TNNT1: variants seen among roughly 807,000 people sequenced by gnomAD.
TNNT1 encodes troponin T1, slow skeletal type.
A neutral mutation model predicts 50.6 loss-of-function variants in TNNT1; 53 were observed. The observed-to-expected ratio is 1.05, with a 90% CI of 0.84 to 1.32. The LOEUF (loss-of-function observed/expected upper bound fraction) is 1.32, where lower values mean the gene tolerates loss of function less well. Among genes scored for constraint, TNNT1 ranks in the 40% most tolerant of loss-of-function variants. The pLI is 0.00. For missense variants in TNNT1, 348 were observed against 381.7 expected (o/e 0.91, Z 0.74); for synonymous variants, 142 against 138.0 (o/e 1.03, Z -0.20).
intron 4 of TNNT1, 27 bp from the exon 5 acceptor site, chr19:55,146,493 G>A: frequency 7.4e-7 from 1 of 1,347,380 alleles, no homozygotes; most frequent in Non-Finnish European, 9.6e-7. Context: ...GGAGCAGCGA[G>A]GGTTTGGGGA....
In TNNT1 at chr19:55,136,971, C is replaced by T. The variant is rs372014092; in HGVS notation, c.611+132G>A. On this transcript the variant is annotated intron_variant, in intron 11 of 13. Coordinates refer to ENST00000588981, the MANE Select transcript of TNNT1 (RefSeq NM_003283.6). ...GCAGCAGAGGCCCAGAGAGGGGAAG[C>T]CACTTGCCCAAAGTCACATAGCACT... is the stretch of plus-strand genomic sequence containing the variant. 4 of 631,304 alleles carry T rather than the reference C, an allele frequency of 6.3e-6. No homozygotes were observed. The Admixed American group carries it at 1.0e-4, about 16-fold the overall frequency. 39.1% of individuals were successfully genotyped at this position (631,304 alleles called of 1,614,324 possible).
intron 5 of TNNT1, among the ~76,000 whole-genome samples, chr19:55,146,202 G>C (rs1315904770): frequency 6.6e-6 from 1 of 152,016 alleles, no homozygotes; most frequent in Non-Finnish European, 1.5e-5. Flanking sequence ...AGAAGGCTTG[G>C]GTGTCGGTCC....
intron 9 of TNNT1, 93 bp from the exon 10 acceptor site, chr19:55,138,167 G>A (rs2085388009): frequency 1.5e-5 from 24 of 1,603,024 alleles, no homozygotes; most frequent in Non-Finnish European, 1.8e-5. Context: ...GGGATCAGCA[G>A]ACCCAGTGCC....
intron 6 of TNNT1, among the ~76,000 whole-genome samples, chr19:55,144,743 C>T (rs2085516802): frequency 6.6e-6 from 1 of 152,216 alleles, no homozygotes; most frequent in Non-Finnish European, 1.5e-5. Context: ...GTGGGGAAGG[C>T]AGATGCCGGA....
chr19:55,134,290 T>A, intron 11 of TNNT1, 86 bp from the exon 12 acceptor site: 6 of 1,328,710 alleles, frequency 4.5e-6, no homozygotes, highest in Non-Finnish European at 6.3e-6. Context: ...GAGTTCAGCG[T>A]TGTCGGCACC....
chr19:55,138,081 G>C lies in TNNT1; in HGVS notation c.388-7C>G. 3 of 1,614,098 alleles carry C rather than the reference G, an allele frequency of 1.9e-6. No homozygotes were observed. The highest frequency in any genetic ancestry group is 2.5e-6 in the Non-Finnish European group (3 of 1,179,992). ...CCTTCCTCATCTTCTCCTCCTGTGG[G>C]AAGTAAGGGGTTAACCTCATGGACT... is the stretch of plus-strand genomic sequence containing the variant. On this transcript the variant is annotated splice_region_variant and splice_polypyrimidine_tract_variant and intron_variant, in intron 9 of 13. Coordinates refer to ENST00000588981, the MANE Select transcript of TNNT1 (RefSeq NM_003283.6).
intron 6 of TNNT1, 37 bp from the exon 7 acceptor site, chr19:55,141,957 G>A (rs1878712545): frequency 6.2e-7 from 1 of 1,607,534 alleles, no homozygotes; most frequent in Non-Finnish European, 8.5e-7. Context: ...TGAGTGGCCC[G>A]ACCTCCCTGA....
chr19:55,137,864 C>A, intron 10 of TNNT1, 97 bp downstream of exon 10: 1 of 1,474,858 alleles, frequency 6.8e-7, no homozygotes. Context: ...ACCCAGGAAT[C>A]CAGGCCTCAG....
In TNNT1 at chr19:55,137,091, C is replaced by G. The variant is rs376456377; in HGVS notation, c.611+12G>C. On this transcript the variant is annotated intron_variant, in intron 11 of 13. Transcript: ENST00000588981. ...CCAGGCCCCTACACCCCGAGCCCCC[C>G]ACAGCACCTACCGGAGCTGTTCCTC... is the stretch of plus-strand genomic sequence containing the variant. 6.4e-7 allele frequency: 1 copy of G among 1,551,552 alleles called. No homozygotes were observed. Among genetic ancestry groups the G allele is most frequent in the Non-Finnish European group, 8.9e-7 (1 of 1,125,024 alleles).
rs1568833755 is a variant in TNNT1, at chr19:55,133,874, C to CGGTCACACTCACAACTTCT, written c.785_791+12dup. On this transcript the variant is annotated intron_variant, in intron 13 of 13. Coordinates refer to ENST00000588981, the MANE Select transcript of TNNT1 (RefSeq NM_003283.6). ...TAGGGACAAGAGCAAGGGCTTGAGA[C>CGGTCACACTCACAACTTCT]GGTCACACTCACAACTTCTGGGCGT... 2 of 1,613,746 alleles carry CGGTCACACTCACAACTTCT rather than the reference C, an allele frequency of 1.2e-6. No homozygotes were observed. Among genetic ancestry groups the CGGTCACACTCACAACTTCT allele is most frequent in the South Asian group, 2.2e-5 (2 of 91,076 alleles).
intron 11 of TNNT1, among the ~76,000 whole-genome samples, chr19:55,136,501 C>T (rs1014728754): frequency 8.5e-5 from 13 of 152,206 alleles, no homozygotes; most frequent in African/African-American, 2.7e-4. Context: ...AGATAACGTG[C>T]GCAAGATCAC....
chr19:55,146,396 C>T lies in TNNT1; in HGVS notation c.106+38G>A, dbSNP rs2085552180. 7 of 1,343,252 alleles carry T rather than the reference C, an allele frequency of 5.2e-6. No individual in the cohort carries two copies. In the South Asian group the frequency reaches 1.2e-4, roughly 22 times the overall value. The allele number at this position is 1,343,252 out of a possible 1,614,324, so 83.2% of individuals were successfully genotyped here. A position where few individuals can be genotyped will look rare whatever the true frequency, so the allele number is the denominator to read the frequency against. On this transcript the variant is annotated intron_variant, in intron 5 of 13. Transcript: ENST00000588981. ...GGATATCGGGGGTCCCCCCGGGCCCCCGACATCGGTCTCGGGAAGCGAAGC... is the reference window on the plus strand; with the variant it reads ...GGATATCGGGGGTCCCCCCGGGCCCTCGACATCGGTCTCGGGAAGCGAAGC...
At chr19:55,141,807 C>A (rs1168100186) in intron 7 of TNNT1, 50 bp downstream of exon 7, 1 of 1,601,740 alleles carries the variant, frequency 6.2e-7, no homozygotes. Context: ...GACACAAAGG[C>A]CCCTTAAAGA....
rs2147254108 is a variant in TNNT1 at position 55,140,944 on chromosome 19, T to C, written c.326A>G (p.Glu109Gly). 2 of 1,613,940 alleles carry C rather than the reference T, an allele frequency of 1.2e-6. No homozygotes were observed. Among genetic ancestry groups the C allele is most frequent in the East Asian group, 2.2e-5 (1 of 44,882 alleles). ...TCTGAAGCGCTGTTGCTCGGCTCTC[T>C]CTGACCGGCGCCGCTCCTGGGAAAC... ...LKERIERRRS[E>G]RAEQQRFRTE... is the part of the protein sequence containing the mutation. The change falls in exon 9 of 14, where the codon GAG becomes GGG. Residue 109 changes from glutamate to glycine, a missense_variant. By Grantham distance (98) the Glu-to-Gly change is moderately conservative. Around this residue, in one of 3 missense-constraint regions of TNNT1, gnomAD observed 253 missense variants for 291.8 expected, o/e 0.87. Coordinates refer to ENST00000588981, the MANE Select transcript of TNNT1 (RefSeq NM_003283.6).
intron 10 of TNNT1, among the ~76,000 whole-genome samples, chr19:55,137,454 T>C (rs1198767767): frequency 7.4e-6 from 1 of 135,216 alleles, no homozygotes; most frequent in Non-Finnish European, 1.6e-5. Flanking sequence ...CCCTCTCGCA[T>C]TAGGAACCAG....
intron 11 of TNNT1, among the ~76,000 whole-genome samples, chr19:55,136,736 A>G (rs2085351822): frequency 6.6e-6 from 1 of 152,150 alleles, no homozygotes; most frequent in Non-Finnish European, 1.5e-5. Flanking sequence ...CGAGGGACTC[A>G]GCTGGAAAAT....
At position 55,137,220 on chromosome 19, in the gene TNNT1, T is replaced by TG. The variant is rs767278185; in HGVS notation, c.502-9dup. On this transcript the variant is annotated splice_polypyrimidine_tract_variant and intron_variant, in intron 10 of 13. Transcript: ENST00000588981. The stretch of plus-strand genomic sequence containing the variant: ...ACCACGCTTCTGTTCTGCCTGAGGG[T>TG]GGGGGAGGCGGAACAGTAAACTGGG... 43 of 1,605,536 alleles carry TG rather than the reference T, an allele frequency of 2.7e-5. No homozygotes were observed. The highest frequency in any genetic ancestry group is 1.7e-4 in the Admixed American group (10 of 59,924).
chr19:55,136,092 C>G (rs931037931), intron 11 of TNNT1, among the ~76,000 whole-genome samples: 1 of 152,174 alleles, frequency 6.6e-6, no homozygotes, highest in African/African-American at 2.4e-5. Flanking sequence ...GACTATTGCA[C>G]CAGACTGCCG....
chr19:55,135,132 G>C (rs1412760932), intron 11 of TNNT1, among the ~76,000 whole-genome samples: 1 of 152,104 alleles, frequency 6.6e-6, no homozygotes, highest in Non-Finnish European at 1.5e-5. Context: ...TGCAGGTAGG[G>C]GTGGCTACTC....
Sources: allele counts gnomAD v4.1 joint callset (sites outside exome capture counted in the v4.1 genomes callset), GRCh38; gene constraint gnomAD v4.1.1; regional missense constraint gnomAD v4.1.1; transcripts MANE v1.5; gene names NCBI Gene and HGNC (gene_info 2026-07-23, HGNC 2026-07-21).